Variants in NPAS3 observed in about 807,000 individuals in gnomAD.
The protein encoded by NPAS3 is neuronal PAS domain protein 3.
In NPAS3, 14 loss-of-function variants were observed where a neutral mutation model predicts 73.1. The observed-to-expected ratio is 0.19, with a 90% CI of 0.13 to 0.30. The LOEUF (loss-of-function observed/expected upper bound fraction) is 0.30, where lower values mean the gene tolerates loss of function less well. Ranked by LOEUF, NPAS3 falls within the 10% of genes least tolerant of loss-of-function variation. NPAS3 has a pLI of 1.00. For missense variants in NPAS3, 1,096 were observed against 1,250.0 expected, an observed-to-expected ratio of 0.88 and a Z score of 1.86; for synonymous variants, 620 against 541.5, an observed-to-expected ratio of 1.14 and a Z score of -2.01.
chr14:33,398,549 A>C lies in NPAS3; in HGVS notation c.468+31281A>C, dbSNP rs369567251. Among the ~76,000 whole-genome samples the C allele has an allele frequency of 2.4e-4, 37 of 152,102 alleles. No individual in the cohort carries two copies. The East Asian group carries it at 3.1e-3, about 13-fold the overall frequency. On this transcript the variant is annotated intron_variant, in intron 4 of 11. Coordinates refer to ENST00000356141, the Ensembl canonical transcript of NPAS3. ...GGATTTATTAACATGCTTTTGTATG[A>C]TGGATAGATAACAAGGATGTTTATT... is the stretch of plus-strand genomic sequence containing the variant.
At chr14:33,625,925 G>A (rs2058207070) in intron 5 of NPAS3, among the ~76,000 whole-genome samples, 1 of 152,116 alleles carries the variant, frequency 6.6e-6, no homozygotes, top group South Asian at 2.1e-4. Flanking sequence ...TTGTCTGTCT[G>A]CCATTTGTGG....
At chr14:33,704,893 A>T (rs894320711) in intron 6 of NPAS3, among the ~76,000 whole-genome samples, 4 of 152,204 alleles carry the variant, frequency 2.6e-5, no homozygotes, top group African/African-American at 4.8e-5. Context: ...TGGAAAGAAG[A>T]GGAAAAAATA....
At chr14:33,539,786 C>T (rs935982770) in intron 4 of NPAS3, among the ~76,000 whole-genome samples, 1 of 152,042 alleles carries the variant, frequency 6.6e-6, no homozygotes, top group African/African-American at 2.4e-5. Flanking sequence ...TTATTCTAAC[C>T]CTACAGTTAG....
In NPAS3 at chr14:33,749,799, A is replaced by G. The variant is rs889209050; in HGVS notation, c.852+14467A>G. 5.3e-5 allele frequency among the ~76,000 whole-genome samples: 8 copies of G among 152,142 alleles called. No individual in the cohort carries two copies. The East Asian group carries it at 1.5e-3, about 29-fold the overall frequency. ...ACTCAGTAAGTGAAAAAGGGAGTGA[A>G]GCCCAGAACCAACACACCATACCAT... is the stretch of plus-strand genomic sequence containing the variant. On this transcript the variant is annotated intron_variant, in intron 7 of 11. Coordinates refer to ENST00000356141, the Ensembl canonical transcript of NPAS3.
intron 2 of NPAS3, among the ~76,000 whole-genome samples, chr14:33,177,332 G>A (rs955380631): frequency 4.6e-5 from 7 of 151,660 alleles, no homozygotes; most frequent in African/African-American, 9.7e-5. Flanking sequence ...TCTTGACCTC[G>A]TGATTCACCT....
chr14:33,435,606 T>A (rs185411381), intron 4 of NPAS3, among the ~76,000 whole-genome samples: 1 of 152,350 alleles, frequency 6.6e-6, no homozygotes, highest in East Asian at 1.9e-4. Context: ...TAAATGATGA[T>A]CAGATATTGG....
intron 3 of NPAS3, among the ~76,000 whole-genome samples, chr14:33,321,532 A>C (rs2043448867): frequency 6.6e-6 from 1 of 151,964 alleles, no homozygotes; most frequent in Non-Finnish European, 1.5e-5. Flanking sequence ...CGTAGGCATA[A>C]TAACACAGCA....
At chr14:33,780,506 G>A in intron 9 of NPAS3, 1 of 396,196 alleles carries the variant, frequency 2.5e-6, no homozygotes, top group Admixed American at 3.3e-5. Context: ...TTCTCATTTT[G>A]GAATCTTAAT....
chr14:33,795,992 T>C (rs978839671), intron 10 of NPAS3, among the ~76,000 whole-genome samples: 1 of 152,134 alleles, frequency 6.6e-6, no homozygotes, highest in African/African-American at 2.4e-5. Context: ...GGGCAAGTGA[T>C]CTGTGAGCCC....
chr14:32,967,014 A>C (rs2037202498), intron 1 of NPAS3, among the ~76,000 whole-genome samples: 1 of 152,162 alleles, frequency 6.6e-6, no homozygotes, highest in Non-Finnish European at 1.5e-5. Flanking sequence ...GAAGATATTC[A>C]CTACTATGCA....
chr14:33,491,064 T>C (rs2051871256), intron 4 of NPAS3, among the ~76,000 whole-genome samples: 1 of 152,170 alleles, frequency 6.6e-6, no homozygotes, highest in African/African-American at 2.4e-5. Context: ...AACCCTACCA[T>C]GATTTCAAAT....
chr14:33,733,635 AGAT>A (rs1388777485), intron 6 of NPAS3, among the ~76,000 whole-genome samples: 2 of 152,212 alleles, frequency 1.3e-5, no homozygotes, highest in Non-Finnish European at 2.9e-5. Context: ...ATGGCGTGTT[AGAT>A]GATGAGAAAA....
intron 7 of NPAS3, among the ~76,000 whole-genome samples, chr14:33,755,937 C>T (rs2062101923): frequency 6.6e-6 from 1 of 152,012 alleles, no homozygotes. Context: ...AACCAGCTCT[C>T]CTGGGATCTA....
chr14:33,609,808 C>A (rs1280665678), intron 5 of NPAS3, among the ~76,000 whole-genome samples: 1 of 152,182 alleles, frequency 6.6e-6, no homozygotes, highest in East Asian at 1.9e-4. Context: ...TCCCATTCTG[C>A]AGCGCCGAGT....
intron 5 of NPAS3, chr14:33,583,433 T>C (rs763946674): frequency 1.3e-5 from 2 of 152,182 alleles, no homozygotes; most frequent in African/African-American, 4.8e-5. Context: ...TCTTGGTATA[T>C]GTAAGTATTC....
intron 3 of NPAS3, among the ~76,000 whole-genome samples, chr14:33,229,478 T>A (rs1327250682): frequency 6.6e-6 from 1 of 152,192 alleles, no homozygotes; most frequent in African/African-American, 2.4e-5. Context: ...CAGAGTCACG[T>A]GCTCACCTTC....
chr14:33,762,132 A>C (rs2062312939), intron 7 of NPAS3, among the ~76,000 whole-genome samples: 1 of 152,242 alleles, frequency 6.6e-6, no homozygotes, highest in African/African-American at 2.4e-5. Context: ...CCGAATTGAT[A>C]ATTCTAATTT....
chr14:33,484,184 G>T (rs1462931846), intron 4 of NPAS3, among the ~76,000 whole-genome samples: 1 of 152,100 alleles, frequency 6.6e-6, no homozygotes, highest in African/African-American at 2.4e-5. Context: ...GGCAATATGG[G>T]GATTATCATG....
At chr14:33,558,020 G>A (rs1235862804) in intron 4 of NPAS3, among the ~76,000 whole-genome samples, 2 of 152,218 alleles carry the variant, frequency 1.3e-5, no homozygotes, top group Non-Finnish European at 2.9e-5. Flanking sequence ...TATAGTACTT[G>A]TGAAAATTAA....
Sources: allele counts gnomAD v4.1 joint callset (sites outside exome capture counted in the v4.1 genomes callset), GRCh38; gene constraint gnomAD v4.1.1; transcripts MANE v1.5; gene names NCBI Gene and HGNC (gene_info 2026-07-23, HGNC 2026-07-21).